KIAA2012: variants seen among roughly 807,000 people sequenced by gnomAD.
The protein encoded by KIAA2012 is uncharacterized protein KIAA2012.
KIAA2012 carries 125 observed loss-of-function variants against 150.6 expected under a neutral mutation model. The observed-to-expected ratio is 0.83, with a 90% confidence interval of 0.72 to 0.96. The LOEUF (loss-of-function observed/expected upper bound fraction) is 0.96, where lower values mean the gene tolerates loss of function less well. KIAA2012 is among the 40% of genes least tolerant of loss of function. KIAA2012 has a pLI of 0.00. For synonymous variants in KIAA2012, 462 were observed against 504.7 expected, an observed-to-expected ratio of 0.92 and a Z score of 1.13; for missense variants, 1,219 against 1,354.9, an observed-to-expected ratio of 0.90 and a Z score of 1.57.
At chr2:202,177,123 A>G (rs980071860) in intron 15 of KIAA2012, among the ~76,000 whole-genome samples, 3 of 152,220 alleles carry the variant, frequency 2.0e-5, no homozygotes, top group Admixed American at 6.5e-5. Flanking sequence ...ATAAAATTAC[A>G]TGTATTAATA....
chr2:202,166,390 C>T (rs574465028), intron 15 of KIAA2012, among the ~76,000 whole-genome samples: 5 of 152,252 alleles, frequency 3.3e-5, no homozygotes, highest in South Asian at 2.1e-4. Context: ...CAGTGGCTCA[C>T]GCCTGTAATC....
rs935247509 is a variant in KIAA2012, at chr2:202,194,344, G to A, written c.3169G>A (p.Glu1057Lys). ...AGAACTACAGAGAAAAAAGCAGCAGGAGGAAGCCGAGAGGGCCGGTGAGGG... is the reference window on the plus strand; with the variant it reads ...AGAACTACAGAGAAAAAAGCAGCAGAAGGAAGCCGAGAGGGCCGGTGAGGG... ...LRELQRKKQQ[E>K]EAERAEAEKQ... The change falls in exon 21 of 24, where the codon GAG becomes AAG. Residue 1057 changes from glutamate to lysine, a missense_variant. Physicochemically the swap from Glu to Lys is moderately conservative, Grantham distance 56. Coordinates refer to ENST00000498697, the MANE Select transcript of KIAA2012 (RefSeq NM_001277372.4). 3 of 1,550,146 alleles carry A rather than the reference G, an allele frequency of 1.9e-6. No individual in the cohort carries two copies. The highest frequency in any genetic ancestry group is 2.4e-5 in the East Asian group (1 of 40,918).
chr2:202,120,261 A>C (rs1024930450), intron 11 of KIAA2012, among the ~76,000 whole-genome samples: 1 of 152,162 alleles, frequency 6.6e-6, no homozygotes, highest in Non-Finnish European at 1.5e-5. Context: ...CTGTGGTCCC[A>C]CCTACTCCAG....
At chr2:202,186,480 C>G (rs1231366386) in intron 16 of KIAA2012, among the ~76,000 whole-genome samples, 1 of 151,294 alleles carries the variant, frequency 6.6e-6, no homozygotes, top group Non-Finnish European at 1.5e-5. Context: ...CCATTGCACT[C>G]CAGCCTGGGC....
intron 14 of KIAA2012, 132 bp downstream of exon 14, chr2:202,154,942 A>G (rs1691494097): frequency 1.0e-5 from 11 of 1,066,642 alleles, no homozygotes; most frequent in African/African-American, 1.6e-5. Flanking sequence ...AGGGACAGAA[A>G]ATAGGCAGTT....
intron 7 of KIAA2012, among the ~76,000 whole-genome samples, chr2:202,101,479 C>A (rs2105922040): frequency 6.6e-6 from 1 of 152,338 alleles, no homozygotes; most frequent in African/African-American, 2.4e-5. Flanking sequence ...TGGGTCAGGC[C>A]AGAACTGAGC....
At chr2:202,108,784 A>G (rs1456369221) in intron 9 of KIAA2012, among the ~76,000 whole-genome samples, 1 of 152,212 alleles carries the variant, frequency 6.6e-6, no homozygotes, top group Non-Finnish European at 1.5e-5. Flanking sequence ...TTTCCATTGT[A>G]AAGACACTTT....
rs1485436323 is a variant in KIAA2012, at chr2:202,105,909, A to G, written c.1473A>G (p.Gln491=). 6.4e-7 allele frequency: 1 copy of G among 1,550,798 alleles called. No homozygotes were observed. Among genetic ancestry groups the G allele is most frequent in the African/African-American group, 1.4e-5 (1 of 73,024 alleles). The change falls in exon 9 of 24, where the codon CAA becomes CAG. Residue 491 remains glutamine, a splice_region_variant and synonymous_variant. Transcript: ENST00000498697. ...VDASRDTLSP[Q]DDDAPPHDVA... ...CGAGCAGGGACACACTCTCACCTCAAGGTAGCTCCTCCCTCCCTCCAGCAT... is the reference window on the plus strand; with the variant it reads ...CGAGCAGGGACACACTCTCACCTCAGGGTAGCTCCTCCCTCCCTCCAGCAT...
At chr2:202,098,822 A>G (rs949056683) in intron 5 of KIAA2012, among the ~76,000 whole-genome samples, 88 of 110,740 alleles carry the variant, frequency 7.9e-4, no homozygotes, top group Middle Eastern at 4.4e-3. Flanking sequence ...GTGTGTGTGC[A>G]CGCGCGCGCG....
chr2:202,103,213 T>C (rs761687831), intron 8 of KIAA2012, 99 bp downstream of exon 8: 78 of 1,107,988 alleles, frequency 7.0e-5, no homozygotes, highest in Non-Finnish European at 9.9e-5. Flanking sequence ...TTCCCTATGG[T>C]CATCCCCTTC....
At chr2:202,179,753 C>T in intron 15 of KIAA2012, 1 of 641,152 alleles carries the variant, frequency 1.6e-6, no homozygotes, top group Non-Finnish European at 3.0e-6. Context: ...CCATCTGGAG[C>T]TTACTTGGCC....
intron 12 of KIAA2012, among the ~76,000 whole-genome samples, chr2:202,130,360 T>C (rs1047754186): frequency 1.3e-5 from 2 of 152,228 alleles, no homozygotes; most frequent in African/African-American, 2.4e-5. Context: ...CTGCTGTTCA[T>C]TTAGTGCATG....
chr2:202,152,574 G>A (rs1691450519), intron 13 of KIAA2012, among the ~76,000 whole-genome samples: 1 of 152,184 alleles, frequency 6.6e-6, no homozygotes, highest in Admixed American at 6.5e-5. Context: ...ATTCATGCAT[G>A]ATTGTGGAGG....
rs1574295283 is a variant in KIAA2012, at chr2:202,154,584, C to T, written c.1909-89C>T. 20 of 1,203,652 alleles carry T rather than the reference C, an allele frequency of 1.7e-5. No homozygotes were observed. In the East Asian group the frequency reaches 5.2e-4, roughly 31 times the overall value. The allele number at this position is 1,203,652 out of a possible 1,614,324, so 74.6% of individuals were successfully genotyped here. Reference sequence around the variant, plus strand: ...TTGTTTCAATGATTTTTAAAATTGCCTTCTGTAAATATTTGGGGATTTGGA... The same window carrying T: ...TTGTTTCAATGATTTTTAAAATTGCTTTCTGTAAATATTTGGGGATTTGGA... On this transcript the variant is annotated intron_variant, in intron 13 of 23. Coordinates refer to ENST00000498697, the MANE Select transcript of KIAA2012 (RefSeq NM_001277372.4).
intron 22 of KIAA2012, among the ~76,000 whole-genome samples, 154 bp from the exon 23 acceptor site, chr2:202,202,275 A>C (rs1262898849): frequency 6.6e-6 from 1 of 152,224 alleles, no homozygotes; most frequent in Non-Finnish European, 1.5e-5. Context: ...TAAATTTACT[A>C]AATGAAGAGT....
chr2:202,152,578 G>A (rs575299446), intron 13 of KIAA2012, among the ~76,000 whole-genome samples: 8 of 152,310 alleles, frequency 5.3e-5, no homozygotes, highest in African/African-American at 1.4e-4. Flanking sequence ...ATGCATGATT[G>A]TGGAGGCTAG....
At chr2:202,092,411 C>G (rs1365476687) in intron 3 of KIAA2012, among the ~76,000 whole-genome samples, 1 of 152,188 alleles carries the variant, frequency 6.6e-6, no homozygotes, top group Admixed American at 6.5e-5. Context: ...CCTTCAAGCT[C>G]ACACCTTCTA....
At chr2:202,152,297 C>T (rs1691443017) in intron 13 of KIAA2012, among the ~76,000 whole-genome samples, 1 of 152,100 alleles carries the variant, frequency 6.6e-6, no homozygotes, top group African/African-American at 2.4e-5. Flanking sequence ...GGCCTCTGAA[C>T]ATTAGGGAGA....
chr2:202,112,368 C>G (rs1255717312), intron 10 of KIAA2012, among the ~76,000 whole-genome samples: 2 of 152,206 alleles, frequency 1.3e-5, no homozygotes, highest in Admixed American at 1.3e-4. Context: ...TTGCCCATCT[C>G]TTCATATGGC....
Sources: gnomAD v4.1 joint callset for allele counts (sites outside exome capture counted in the v4.1 genomes callset) on GRCh38, gnomAD v4.1.1 for gene constraint, MANE v1.5 for transcripts, NCBI Gene and HGNC (gene_info 2026-07-23, HGNC 2026-07-21) for gene names.